Variants in ENOPH1 observed in about 807,000 individuals in gnomAD.
ENOPH1 encodes enolase-phosphatase E1.
Under a neutral mutation model 31.1 loss-of-function variants are expected in ENOPH1, and 14 were observed. The ratio of observed to expected loss-of-function variants is 0.45; its 90% CI spans 0.30 to 0.70. The LOEUF is 0.70. Among genes scored for constraint, ENOPH1 ranks in the 30% least tolerant of loss-of-function variants. The pLI is 0.09. For missense variants in ENOPH1, 243 were observed against 321.5 expected, an observed-to-expected ratio of 0.76 and a Z score of 1.87; for synonymous variants, 127 against 123.2, an observed-to-expected ratio of 1.03 and a Z score of -0.21.
chr4:82,442,268 C>T (rs6813129), intron 1 of ENOPH1, among the ~76,000 whole-genome samples: 19,546 of 152,186 alleles, frequency 0.13, 2,636 homozygotes, highest in African/African-American at 0.35. Flanking sequence ...CCTGTAATCC[C>T]AGCACTTTGG....
chr4:82,442,531 C>T (rs1177067333), intron 1 of ENOPH1, among the ~76,000 whole-genome samples: 5 of 151,030 alleles, frequency 3.3e-5, no homozygotes, highest in African/African-American at 1.2e-4. Context: ...AAAAAACAAA[C>T]AAAAAAAACA....
chr4:82,448,241 T>G (rs187209108), intron 2 of ENOPH1, among the ~76,000 whole-genome samples: 274 of 150,602 alleles, frequency 1.8e-3, no homozygotes, highest in Middle Eastern at 3.4e-3. Context: ...TGGTTGTTTT[T>G]TTTTGTTTTG....
At chr4:82,453,371 A>T (rs571622858) in intron 3 of ENOPH1, among the ~76,000 whole-genome samples, 1 of 152,190 alleles carries the variant, frequency 6.6e-6, no homozygotes, top group South Asian at 2.1e-4. Flanking sequence ...GAATTTCAGG[A>T]TATGCCAGTG....
chr4:82,444,860 G>A (rs1722139744), intron 1 of ENOPH1, among the ~76,000 whole-genome samples: 1 of 152,148 alleles, frequency 6.6e-6, no homozygotes, highest in African/African-American at 2.4e-5. Flanking sequence ...TGAGTTTATT[G>A]TAGCATATTT....
intron 1 of ENOPH1, among the ~76,000 whole-genome samples, chr4:82,440,669 A>G (rs1722016046): frequency 1.3e-5 from 2 of 151,926 alleles, no homozygotes; most frequent in African/African-American, 4.8e-5. Context: ...TTAAAACCTT[A>G]CTCCAATTAC....
At chr4:82,433,044 C>G (rs1721816360) in intron 1 of ENOPH1, among the ~76,000 whole-genome samples, 1 of 152,086 alleles carries the variant, frequency 6.6e-6, no homozygotes, top group Admixed American at 6.5e-5. Context: ...AAAAAGGAGT[C>G]CTCATTTTTG....
At chr4:82,441,102 C>T (rs944201176) in intron 1 of ENOPH1, among the ~76,000 whole-genome samples, 1 of 152,148 alleles carries the variant, frequency 6.6e-6, no homozygotes, top group Admixed American at 6.5e-5. Flanking sequence ...TAGCAATTCT[C>T]GTTGTTAGAA....
In ENOPH1 at chr4:82,449,611, C is replaced by T. The variant is rs147925869; in HGVS notation, c.187-1432C>T. ...AGGATGGTGCTAAACAAACCATTCA[C>T]GAGAAGTCTATCCCCGCGATCCAGT... On this transcript the variant is annotated intron_variant, in intron 2 of 5. Transcript: ENST00000273920. Among the ~76,000 whole-genome samples, 324 of 152,290 alleles carry T rather than the reference C, an allele frequency of 2.1e-3. 2 individuals are homozygous for T. The highest frequency in any genetic ancestry group is 3.6e-3 in the Non-Finnish European group (242 of 68,028).
chr4:82,455,968 AT>A (rs1368443856), intron 4 of ENOPH1, among the ~76,000 whole-genome samples: 3 of 152,040 alleles, frequency 2.0e-5, no homozygotes, highest in Admixed American at 2.0e-4. Context: ...TAATTTTAGT[AT>A]TTTCCTACTT....
At chr4:82,449,488 G>A (rs1013103857) in intron 2 of ENOPH1, among the ~76,000 whole-genome samples, 3 of 152,150 alleles carry the variant, frequency 2.0e-5, no homozygotes. Context: ...CGGAGCAGGC[G>A]TCTCAGATGG....
intron 5 of ENOPH1, 99 bp from the exon 6 acceptor site, chr4:82,459,882 A>C: frequency 7.2e-6 from 10 of 1,384,856 alleles, no homozygotes; most frequent in Non-Finnish European, 1.0e-5. Context: ...GGCCAAATTC[A>C]TTTCTTCCAT....
At chr4:82,451,738 T>C (rs1208999219) in intron 3 of ENOPH1, among the ~76,000 whole-genome samples, 1 of 152,180 alleles carries the variant, frequency 6.6e-6, no homozygotes, top group East Asian at 1.9e-4. Flanking sequence ...GTTATGGAGT[T>C]CCTAATAGCA....
chr4:82,458,169 G>A (rs1722538795), intron 5 of ENOPH1, among the ~76,000 whole-genome samples: 1 of 152,112 alleles, frequency 6.6e-6, no homozygotes, highest in South Asian at 2.1e-4. Context: ...GGTACCACAT[G>A]CCCAGACTTC....
At chr4:82,444,225 CTT>C (rs34033543) in intron 1 of ENOPH1, among the ~76,000 whole-genome samples, 9 of 143,536 alleles carry the variant, frequency 6.3e-5, no homozygotes, top group Non-Finnish European at 7.7e-5. Context: ...CAGCACTATT[CTT>C]TTTTTTTTTT....
intron 1 of ENOPH1, among the ~76,000 whole-genome samples, chr4:82,447,361 T>G (rs896651941): frequency 6.6e-6 from 1 of 152,186 alleles, no homozygotes; most frequent in Non-Finnish European, 1.5e-5. Flanking sequence ...AAGTTTGTTT[T>G]GTTTTTTTTT....
At position 82,430,839 on chromosome 4, in the gene ENOPH1, C is replaced by T; in HGVS notation, c.10C>T (p.Leu4Phe). The T allele has an allele frequency of 3.1e-6, 5 of 1,614,156 alleles. No individual in the cohort carries two copies. The highest frequency in any genetic ancestry group is 4.2e-6 in the Non-Finnish European group (5 of 1,179,982). The change falls in exon 1 of 6, where the codon CTT becomes TTT. Residue 4 changes from leucine to phenylalanine, a missense_variant. Physicochemically the swap from Leu to Phe is conservative, Grantham distance 22. Transcript: ENST00000273920. ...AGCATCCGGTAGGGAAATGGTCGTG[C>T]TTTCGGTCCCCGCCGAAGTCACCGT... is the stretch of plus-strand genomic sequence containing the variant. Reference protein sequence around the residue: MVVLSVPAEVTVIL... With the variant: MVVFSVPAEVTVIL...
At chr4:82,452,353 G>C (rs1289694951) in intron 3 of ENOPH1, among the ~76,000 whole-genome samples, 1 of 152,110 alleles carries the variant, frequency 6.6e-6, no homozygotes, top group Admixed American at 6.5e-5. Context: ...TCTTTGCCCA[G>C]GCTGGAGTGC....
intron 1 of ENOPH1, among the ~76,000 whole-genome samples, chr4:82,441,419 G>A (rs895728604): frequency 7.2e-5 from 11 of 152,224 alleles, no homozygotes; most frequent in African/African-American, 1.9e-4. Context: ...TCAGGAGATC[G>A]AGACCATCCT....
At position 82,430,935 on chromosome 4, in the gene ENOPH1, G is replaced by A. The variant is rs531359155; in HGVS notation, c.84+22G>A. ...GAAGGTGAGGGGCGGAAGGGAGCGG[G>A]GATGTTACTTTTCCTTAAAAACAGT... On this transcript the variant is annotated intron_variant, in intron 1 of 5. Transcript: ENST00000273920. 5 of 1,603,542 alleles carry A rather than the reference G, an allele frequency of 3.1e-6. No homozygotes were observed. The African/African-American group carries it at 5.3e-5, about 17-fold the overall frequency.
Sources: gnomAD v4.1 joint callset for allele counts (sites outside exome capture counted in the v4.1 genomes callset) on GRCh38, gnomAD v4.1.1 for gene constraint, MANE v1.5 for transcripts, NCBI Gene and HGNC (gene_info 2026-07-23, HGNC 2026-07-21) for gene names.